The following SLC2A11 variants were observed in gnomAD, a reference collection of about 807,000 sequenced individuals.
SLC2A11 encodes solute carrier family 2 member 11.
SLC2A11 carries 43 observed loss-of-function variants against 52.1 expected under a neutral mutation model. The observed-to-expected ratio is 0.82, with a 90% CI of 0.65 to 1.06. The LOEUF (loss-of-function observed/expected upper bound fraction) is 1.06. Ranked by LOEUF, SLC2A11 falls within the 50% of genes least tolerant of loss-of-function variation. The pLI is 0.00. For missense variants in SLC2A11, 582 were observed against 654.2 expected, an observed-to-expected ratio of 0.89 and a Z score of 1.20; for synonymous variants, 261 against 277.6, an observed-to-expected ratio of 0.94 and a Z score of 0.59.
At chr22:23,864,692 C>T (rs1006480557) in intron 2 of SLC2A11, among the ~76,000 whole-genome samples, 2 of 152,174 alleles carry the variant, frequency 1.3e-5, no homozygotes, top group African/African-American at 2.4e-5. Flanking sequence ...CATCCCAGGC[C>T]GGGCAGGGCA....
At chr22:23,857,008 G>A, upstream of SLC2A11, 1 of 1,576,598 alleles carries the variant, frequency 6.3e-7, no homozygotes, top group Non-Finnish European at 8.6e-7. Context: ...CTATCTTTCG[G>A]TCTTTCCTAA....
rs746928226 is a variant in SLC2A11 at position 23,857,980 on chromosome 22, C to T, written c.-20C>T. ...GGTCTCCCTGGGACAGCAAGACCTC[C>T]GCTCAGGCCCCTCTTTCGAATGCTC... On this transcript the variant is annotated 5_prime_UTR_variant, in exon 1 of 12. Coordinates refer to ENST00000316185, the MANE Select transcript of SLC2A11 (RefSeq NM_001024939.4). The T allele has an allele frequency of 1.4e-5, 22 of 1,591,936 alleles. No homozygotes were observed. Among genetic ancestry groups the T allele is most frequent in the Admixed American group, 1.7e-5 (1 of 58,034 alleles).
Position 23,884,924 on chromosome 22 carries a change from TCC to T in SLC2A11, c.*77_*78del, listed in dbSNP as rs761683669. 1 of 1,252,608 alleles carries T rather than the reference TCC, an allele frequency of 8.0e-7. No homozygotes were observed. The highest frequency in any genetic ancestry group is 2.0e-5 in the Admixed American group (1 of 50,908). The allele number at this position is 1,252,608 out of a possible 1,614,324, so 77.6% of individuals were successfully genotyped here. A position where few individuals can be genotyped will look rare whatever the true frequency, so the allele number is the denominator to read the frequency against. On this transcript the variant is annotated 3_prime_UTR_variant, in exon 12 of 12. Transcript: ENST00000316185. The surrounding 1 kb of genome is among the most constrained non-coding windows in gnomAD (Gnocchi z 4.3). ...TTCCTGCCAGGGCCCTGGTCCTCAC[TCC>T]CTCCTGCATTCCTCATTTAAGGAGT... is the stretch of plus-strand genomic sequence containing the variant.
At chr22:23,871,854 C>T (rs2032467144) in intron 3 of SLC2A11, 1 of 152,212 alleles carries the variant, frequency 6.6e-6, no homozygotes, top group East Asian at 1.9e-4. Context: ...ACTTTGGGGT[C>T]CACATTGGGC....
At chr22:23,878,104 A>G (rs1173145585) in intron 6 of SLC2A11, among the ~76,000 whole-genome samples, 1 of 152,376 alleles carries the variant, frequency 6.6e-6, no homozygotes, top group East Asian at 1.9e-4. Context: ...CAAGAACTCC[A>G]GAGCGGTGCG....
chr22:23,878,035 A>G (rs1232618546), intron 6 of SLC2A11, among the ~76,000 whole-genome samples, 166 bp downstream of exon 6: 5 of 152,168 alleles, frequency 3.3e-5, no homozygotes, highest in African/African-American at 9.7e-5. Context: ...TCAGAACTCT[A>G]TCAAGTGGTT....
At chr22:23,861,319 AATCCCAACT>A (rs11273439) in intron 1 of SLC2A11, among the ~76,000 whole-genome samples, 85,416 of 121,570 alleles carry the variant, frequency 0.7, 28,730 homozygotes, top group Middle Eastern at 0.79. Flanking sequence ...AAAAAAAGAA[AATCCCAACT>A]ATCCCAACTA....
intron 8 of SLC2A11, chr22:23,883,343 C>T (rs1230260187): frequency 8.2e-5 from 26 of 318,314 alleles, no homozygotes; most frequent in Non-Finnish European, 1.2e-4. Flanking sequence ...TGGTGGTCTT[C>T]GCCTGTAGTG....
At chr22:23,867,943 A>C in intron 2 of SLC2A11, 1 of 334,730 alleles carries the variant, frequency 3.0e-6, no homozygotes, top group Non-Finnish European at 6.1e-6. Context: ...ATTGTTGCAA[A>C]TTATCAAACC....
chr22:23,863,612 T>TTG (rs2032154589), intron 2 of SLC2A11, among the ~76,000 whole-genome samples: 1 of 134,776 alleles, frequency 7.4e-6, no homozygotes, highest in Admixed American at 7.4e-5. Flanking sequence ...TCTCTGGTTT[T>TTG]TTTTTTTTTT....
At chr22:23,877,280 TGCATG>T in intron 5 of SLC2A11, 109 bp downstream of exon 5, 1 of 1,551,046 alleles carries the variant, frequency 6.4e-7, no homozygotes, top group Non-Finnish European at 8.8e-7. Context: ...ATTATTGCTT[TGCATG>T]AAGGCATCGA....
intron 8 of SLC2A11, chr22:23,883,528 G>C (rs1357513783): frequency 2.0e-6 from 1 of 496,260 alleles, no homozygotes; most frequent in Non-Finnish European, 3.5e-6. Context: ...CAGTGAGTTA[G>C]AGAGCATCTA....
chr22:23,882,624 T>C lies in SLC2A11; in HGVS notation c.860T>C (p.Met287Thr), dbSNP rs1227563536. Reference sequence around the variant, plus strand: ...AGCCTCGTGGTTCTGGGCAGTGCCATGGAGCTCTGCGGGAATGACTCGGTG... The same window carrying C: ...AGCCTCGTGGTTCTGGGCAGTGCCACGGAGCTCTGCGGGAATGACTCGGTG... ...VTSLVVLGSA[M>T]ELCGNDSVYA... The change falls in exon 7 of 12, where the codon ATG becomes ACG. Residue 287 changes from methionine (M) to threonine (T), a missense_variant. Transcript: ENST00000316185. The C allele has an allele frequency of 6.2e-6, 10 of 1,613,034 alleles. No homozygotes were observed. The highest frequency in any genetic ancestry group is 8.5e-6 in the Non-Finnish European group (10 of 1,179,628).
Position 23,862,094 on chromosome 22 carries a change from C to G in SLC2A11, c.31-10C>G, listed in dbSNP as rs757143445. On this transcript the variant is annotated splice_polypyrimidine_tract_variant and intron_variant, in intron 1 of 11. Transcript: ENST00000316185. ...TGTTGGTCACTCTGTGTTCTCTCCT[C>G]TCTCCTCAGATTCAGGGCAGGATCC... 1 of 1,613,388 alleles carries G rather than the reference C, an allele frequency of 6.2e-7. No homozygotes were observed. Among genetic ancestry groups the G allele is most frequent in the South Asian group, 1.1e-5 (1 of 91,058 alleles).
At chr22:23,863,255 C>G (rs938862359) in intron 2 of SLC2A11, among the ~76,000 whole-genome samples, 1 of 152,198 alleles carries the variant, frequency 6.6e-6, no homozygotes, top group Non-Finnish European at 1.5e-5. Context: ...CTTTTTGCCT[C>G]TCCAGCCCTT....
chr22:23,863,076 G>A (rs757121049), intron 2 of SLC2A11, among the ~76,000 whole-genome samples: 1 of 152,142 alleles, frequency 6.6e-6, no homozygotes, highest in African/African-American at 2.4e-5. Context: ...TGAACCCCTC[G>A]GTTTCACTGT....
At chr22:23,883,466 T>C in intron 8 of SLC2A11, 1 of 413,134 alleles carries the variant, frequency 2.4e-6, no homozygotes, top group Non-Finnish European at 4.3e-6. Flanking sequence ...AGTGAGACCC[T>C]GTCTCAGCTC....
In SLC2A11 at chr22:23,884,533, G is replaced by A; in HGVS notation, c.1299+104G>A. 6.4e-7 allele frequency: 1 copy of A among 1,555,974 alleles called. No individual in the cohort carries two copies. The highest frequency in any genetic ancestry group is 8.7e-7 in the Non-Finnish European group (1 of 1,149,056). On this transcript the variant is annotated intron_variant, in intron 11 of 11. Coordinates refer to ENST00000316185, the MANE Select transcript of SLC2A11 (RefSeq NM_001024939.4). This position sits in a 1 kb window ranked among gnomAD's most constrained non-coding sequence, Gnocchi z 4.3. Reference sequence around the variant, plus strand: ...ATCCAGGGAGACTGAGACTGAAAGGGAGGGGTCTTAGGGGAGCAAAGAGGG... The same window carrying A: ...ATCCAGGGAGACTGAGACTGAAAGGAAGGGGTCTTAGGGGAGCAAAGAGGG...
chr22:23,877,357 G>A (rs958279852), intron 5 of SLC2A11, 186 bp downstream of exon 5: 5 of 991,238 alleles, frequency 5.0e-6, no homozygotes, highest in Non-Finnish European at 6.3e-6. Flanking sequence ...ACACTGCAAT[G>A]TGAATCACCT....
Sources: allele counts gnomAD v4.1 joint callset (sites outside exome capture counted in the v4.1 genomes callset), GRCh38; gene constraint gnomAD v4.1.1; non-coding constraint Gnocchi (gnomAD v3.1); transcripts MANE v1.5; gene names NCBI Gene and HGNC (gene_info 2026-07-23, HGNC 2026-07-21).